ADGRL3: variants seen among roughly 807,000 people sequenced by gnomAD.
ADGRL3 encodes adhesion G protein-coupled receptor L3.
Under a neutral mutation model 153.5 loss-of-function variants are expected in ADGRL3, and 62 were observed. The observed-to-expected ratio is 0.40, with a 90% CI of 0.33 to 0.50. The LOEUF is 0.50. ADGRL3 is among the 20% of genes least tolerant of loss of function. The pLI, the probability that ADGRL3 is intolerant of heterozygous loss-of-function variation, is 0.47. For synonymous variants in ADGRL3, 710 were observed against 672.5 expected (o/e 1.06, Z -0.86); for missense variants, 1,641 against 1,859.4 (o/e 0.88, Z 2.16).
chr4:61,246,419 G>A (rs1438315009), intron 1 of ADGRL3, among the ~76,000 whole-genome samples: 1 of 151,906 alleles, frequency 6.6e-6, no homozygotes. Context: ...CTATGTTGCT[G>A]TATATTAGGG....
chr4:61,829,838 A>G (rs2097849927), intron 9 of ADGRL3, among the ~76,000 whole-genome samples: 1 of 152,102 alleles, frequency 6.6e-6, no homozygotes. Flanking sequence ...AGGAATAAAG[A>G]CAGCCAAGGA....
At chr4:61,469,020 G>T (rs1368758035) in intron 2 of ADGRL3, among the ~76,000 whole-genome samples, 1 of 151,978 alleles carries the variant, frequency 6.6e-6, no homozygotes, top group East Asian at 1.9e-4. Context: ...ACTTGTCTGG[G>T]TTTAGTCATA....
At chr4:61,719,357 C>T (rs2096190583) in intron 6 of ADGRL3, among the ~76,000 whole-genome samples, 1 of 151,912 alleles carries the variant, frequency 6.6e-6, no homozygotes, top group African/African-American at 2.4e-5. Context: ...TTTGGTTAAG[C>T]CAATGGAATC....
At chr4:61,883,017 G>A (rs1184351956) in intron 9 of ADGRL3, among the ~76,000 whole-genome samples, 2 of 152,170 alleles carry the variant, frequency 1.3e-5, no homozygotes, top group Non-Finnish European at 2.9e-5. Context: ...TGGAGAGGCT[G>A]AGTCAGGAGA....
chr4:61,655,212 T>G (rs1303778720), intron 5 of ADGRL3, among the ~76,000 whole-genome samples: 1 of 152,166 alleles, frequency 6.6e-6, no homozygotes, highest in Non-Finnish European at 1.5e-5. Context: ...TAGATGAGTT[T>G]GAAGACTAGA....
At chr4:61,294,862 T>C (rs1411875314) in intron 1 of ADGRL3, among the ~76,000 whole-genome samples, 1 of 149,440 alleles carries the variant, frequency 6.7e-6, no homozygotes, top group East Asian at 2.0e-4. Context: ...TAAATTCCTT[T>C]TGTGGTCTTC....
intron 6 of ADGRL3, among the ~76,000 whole-genome samples, chr4:61,683,994 G>T (rs1449341107): frequency 1.3e-5 from 2 of 152,176 alleles, no homozygotes; most frequent in Admixed American, 1.3e-4. Context: ...TTTTAGCAGA[G>T]AGGACAAGCT....
At chr4:61,380,094 T>G in intron 1 of ADGRL3, among the ~76,000 whole-genome samples, 1 of 152,090 alleles carries the variant, frequency 6.6e-6, no homozygotes, top group South Asian at 2.1e-4. Flanking sequence ...GTAAATTATT[T>G]ATACATATAT....
At chr4:61,248,495 G>A (rs759660744) in intron 1 of ADGRL3, among the ~76,000 whole-genome samples, 2 of 151,910 alleles carry the variant, frequency 1.3e-5, no homozygotes, top group African/African-American at 2.4e-5. Context: ...GCAAATACTA[G>A]GTTAATATTA....
At chr4:61,417,579 A>G (rs559361199) in intron 2 of ADGRL3, among the ~76,000 whole-genome samples, 1 of 151,098 alleles carries the variant, frequency 6.6e-6, no homozygotes, top group South Asian at 2.1e-4. Context: ...GGTTTCGAAA[A>G]AAAAAAAAGT....
intron 8 of ADGRL3, among the ~76,000 whole-genome samples, chr4:61,801,319 G>T (rs957793648): frequency 6.6e-6 from 1 of 151,932 alleles, no homozygotes; most frequent in African/African-American, 2.4e-5. Flanking sequence ...ACAATTCTTA[G>T]AACATCAAGG....
chr4:61,332,364 C>T (rs900492491), intron 1 of ADGRL3, among the ~76,000 whole-genome samples: 2 of 152,162 alleles, frequency 1.3e-5, no homozygotes, highest in Middle Eastern at 3.4e-3. Context: ...ATTTATAAAG[C>T]GTGGACCAGT....
chr4:61,776,645 A>G (rs1384626303), intron 8 of ADGRL3, among the ~76,000 whole-genome samples: 1 of 152,210 alleles, frequency 6.6e-6, no homozygotes, highest in East Asian at 1.9e-4. Flanking sequence ...TGGAGTACAT[A>G]ATGAAAAGTA....
intron 5 of ADGRL3, among the ~76,000 whole-genome samples, 191 bp from the exon 6 acceptor site, chr4:61,676,635 A>G (rs1252864257): frequency 6.6e-6 from 1 of 152,028 alleles, no homozygotes; most frequent in African/African-American, 2.4e-5. Context: ...AGCAAGCTGA[A>G]TAGATTCATT....
intron 1 of ADGRL3, among the ~76,000 whole-genome samples, chr4:61,222,809 T>C (rs1238967189): frequency 6.6e-6 from 1 of 152,296 alleles, no homozygotes; most frequent in African/African-American, 2.4e-5. Flanking sequence ...AATAATAAAG[T>C]TTGAAATTTA....
chr4:61,662,391 T>A (rs1035965023), intron 5 of ADGRL3, among the ~76,000 whole-genome samples: 1 of 152,336 alleles, frequency 6.6e-6, no homozygotes, highest in African/African-American at 2.4e-5. Flanking sequence ...TCTTCTCACA[T>A]CAGTTTTGGA....
At chr4:61,371,078 G>T (rs369041848) in intron 1 of ADGRL3, among the ~76,000 whole-genome samples, 1 of 149,520 alleles carries the variant, frequency 6.7e-6, no homozygotes, top group Non-Finnish European at 1.5e-5. Flanking sequence ...TTTTCCATTT[G>T]CTTGGTAGAT....
At chr4:61,493,404 G>A (rs1311329153) in intron 2 of ADGRL3, among the ~76,000 whole-genome samples, 1 of 152,102 alleles carries the variant, frequency 6.6e-6, no homozygotes, top group Non-Finnish European at 1.5e-5. Context: ...CAATACCTTA[G>A]AAGAAATCAT....
Position 61,231,297 on chromosome 4 carries a change from C to T in ADGRL3, c.-240+29532C>T, listed in dbSNP as rs76118019. On this transcript the variant is annotated intron_variant, in intron 1 of 26. Transcript: ENST00000683033. ...TAGACTTATGCTCATGTTATACTTG[C>T]GGATGTCACTGGCAATTGGGTGAGG... 3.3e-3 allele frequency among the ~76,000 whole-genome samples: 499 copies of T among 152,136 alleles called. 5 individuals are homozygous for T. The highest frequency in any genetic ancestry group is 0.012 in the African/African-American group (488 of 41,514).
Sources: gnomAD v4.1 joint callset for allele counts (sites outside exome capture counted in the v4.1 genomes callset) on GRCh38, gnomAD v4.1.1 for gene constraint, MANE v1.5 for transcripts, NCBI Gene and HGNC (gene_info 2026-07-23, HGNC 2026-07-21) for gene names.